The following CCDC50 variants were observed in gnomAD, a reference collection of about 807,000 sequenced individuals.
CCDC50 encodes the protein coiled-coil domain containing 50, also known as coiled-coil domain-containing protein 50.
A neutral mutation model predicts 70.2 loss-of-function variants in CCDC50; 54 were observed. The ratio of observed to expected loss-of-function variants is 0.77; its 90% confidence interval spans 0.62 to 0.96. The LOEUF is 0.96. Ranked by LOEUF, CCDC50 falls within the 50% of genes least tolerant of loss-of-function variation. The probability of loss-of-function intolerance (pLI) is 0.00; values close to 1 mark genes in which losing one functional copy is unlikely to be tolerated. For missense variants in CCDC50, 558 were observed against 578.7 expected, an observed-to-expected ratio of 0.96 and a Z score of 0.37; for synonymous variants, 216 against 198.8, an observed-to-expected ratio of 1.09 and a Z score of -0.73.
intron 1 of CCDC50, among the ~76,000 whole-genome samples, chr3:191,354,768 A>T (rs1250274570): frequency 6.6e-6 from 1 of 152,156 alleles, no homozygotes; most frequent in Non-Finnish European, 1.5e-5. Flanking sequence ...GGTGGGGTGT[A>T]GAGGTGGTTC....
intron 5 of CCDC50, 149 bp downstream of exon 5, chr3:191,370,185 A>C: frequency 1.5e-6 from 1 of 673,688 alleles, no homozygotes; most frequent in Non-Finnish European, 2.7e-6. Flanking sequence ...GCAGGATTCT[A>C]TTTGAATCTA....
At position 191,375,594 on chromosome 3, in the gene CCDC50, T is replaced by TA; in HGVS notation, c.976+6dup. 6.2e-7 allele frequency: 1 copy of TA among 1,612,134 alleles called. No individual in the cohort carries two copies. Among genetic ancestry groups the TA allele is most frequent in the South Asian group, 1.1e-5 (1 of 90,908 alleles). Reference sequence around the variant, plus strand: ...AGCTCCACCTCCATGACGCAGGTAATAGAGGACAGTCTCGATGGAAGTCCT... The same window carrying TA: ...AGCTCCACCTCCATGACGCAGGTAATAAGAGGACAGTCTCGATGGAAGTCCT... On this transcript the variant is annotated splice_donor_region_variant and intron_variant, in intron 6 of 11. Transcript: ENST00000392455.
rs1368898059 is a variant in CCDC50 at position 191,392,550 on chromosome 3, A to T, written c.*790A>T. On this transcript the variant is annotated 3_prime_UTR_variant, in exon 12 of 12. Transcript: ENST00000392455. ...GCCAAGGAAATGGAATTGAAAGATG[A>T]TTGCATAAGTAATGATGCCATCCTT... 6.6e-6 allele frequency: 1 copy of T among 152,204 alleles called. No individual in the cohort carries two copies. The allele number at this position is 152,204 out of a possible 1,614,324, so 9.4% of individuals were successfully genotyped here.
At chr3:191,332,385 G>T (rs1236239520) in intron 1 of CCDC50, among the ~76,000 whole-genome samples, 1 of 152,244 alleles carries the variant, frequency 6.6e-6, no homozygotes, top group African/African-American at 2.4e-5. Flanking sequence ...TTCATATGTA[G>T]GTGAAAAGAA....
At chr3:191,344,619 C>T (rs12636442) in intron 1 of CCDC50, among the ~76,000 whole-genome samples, 12,854 of 152,172 alleles carry the variant, frequency 0.084, 615 homozygotes, top group East Asian at 0.21. Flanking sequence ...CGCTCTGTCA[C>T]GCAGGCTGGA....
intron 4 of CCDC50, among the ~76,000 whole-genome samples, chr3:191,362,544 G>T (rs557883424): frequency 4.5e-4 from 69 of 152,270 alleles, no homozygotes; most frequent in African/African-American, 1.6e-3. Context: ...AGAAGCAAAT[G>T]ATTTATTATT....
Position 191,381,206 on chromosome 3 carries a change from T to G in CCDC50, c.1242+274T>G, listed in dbSNP as rs569614869. Among the ~76,000 whole-genome samples, 8 of 152,268 alleles carry G rather than the reference T, an allele frequency of 5.3e-5. No homozygotes were observed. In the South Asian group the frequency reaches 1.7e-3, roughly 32 times the overall value. ...AAGTGCTTCTGGTCATGAACAGTCT[T>G]AGTTTTCATATACAGTACTTTGATT... On this transcript the variant is annotated intron_variant, in intron 9 of 11. Coordinates refer to ENST00000392455, the MANE Select transcript of CCDC50 (RefSeq NM_178335.3).
intron 10 of CCDC50, among the ~76,000 whole-genome samples, chr3:191,384,615 A>G (rs956510989): frequency 1.7e-4 from 26 of 152,200 alleles, no homozygotes; most frequent in Admixed American, 1.6e-3. Context: ...TGTCTGTTAC[A>G]GAATTTTCTA....
At chr3:191,388,191 G>A (rs1042014920) in intron 10 of CCDC50, among the ~76,000 whole-genome samples, 3 of 151,730 alleles carry the variant, frequency 2.0e-5, no homozygotes, top group Non-Finnish European at 2.9e-5. Context: ...GAAAGTATAA[G>A]TACAATAACA....
At chr3:191,375,915 C>A (rs1242943011) in intron 6 of CCDC50, among the ~76,000 whole-genome samples, 10 of 152,006 alleles carry the variant, frequency 6.6e-5, no homozygotes, top group Admixed American at 3.3e-4. Context: ...GATACCAAAT[C>A]AAAACTCCTG....
chr3:191,390,632 T>C (rs1217945283), intron 11 of CCDC50, among the ~76,000 whole-genome samples: 1 of 152,138 alleles, frequency 6.6e-6, no homozygotes, highest in East Asian at 1.9e-4. Flanking sequence ...GGTGGGAGTG[T>C]CTTTTAGCAT....
At chr3:191,354,771 G>T (rs1252793801) in intron 1 of CCDC50, among the ~76,000 whole-genome samples, 1 of 152,078 alleles carries the variant, frequency 6.6e-6, no homozygotes, top group Non-Finnish European at 1.5e-5. Context: ...GGGGTGTAGA[G>T]GTGGTTCCAA....
chr3:191,375,723 A>T, intron 6 of CCDC50, 134 bp downstream of exon 6: 2 of 935,806 alleles, frequency 2.1e-6, no homozygotes. Flanking sequence ...ATCCTAGAGC[A>T]ACATATTATA....
At chr3:191,356,798 C>T (rs552118114) in intron 1 of CCDC50, among the ~76,000 whole-genome samples, 10 of 152,170 alleles carry the variant, frequency 6.6e-5, no homozygotes, top group Admixed American at 2.0e-4. Context: ...ATTGGAATTT[C>T]TAGACCTCTG....
Position 191,375,337 on chromosome 3 carries a change from A to G in CCDC50, c.724A>G (p.Ser242Gly), listed in dbSNP as rs144454149. 6.2e-7 allele frequency: 1 copy of G among 1,613,704 alleles called. No individual in the cohort carries two copies. Among genetic ancestry groups the G allele is most frequent in the African/African-American group, 1.3e-5 (1 of 75,032 alleles). The stretch of plus-strand genomic sequence containing the variant: ...TCGGAGACCTCTGCTTCCCACGATC[A>G]GTGGTGAAGTGTTTCTGAGCACTGA... The part of the protein sequence containing the change: ...RPRRPLLPTI[S>G]GEVFLSTECD... The change falls in exon 6 of 12, where the codon AGT becomes GGT. Residue 242 changes from serine to glycine, a missense_variant. Transcript: ENST00000392455.
rs115986233 is a variant in CCDC50 at position 191,329,954 on chromosome 3, G to C, written c.49+231G>C. On this transcript the variant is annotated intron_variant, in intron 1 of 11. Coordinates refer to ENST00000392455, the MANE Select transcript of CCDC50 (RefSeq NM_178335.3). ...TCAAGGGGGTGGTTGGGGGGGGGGGGGGCTAGCAGCAGCCCCAGCAAGTAG... is the reference window on the plus strand; with the variant it reads ...TCAAGGGGGTGGTTGGGGGGGGGGGCGGCTAGCAGCAGCCCCAGCAAGTAG... Among the ~76,000 whole-genome samples the C allele has an allele frequency of 6.2e-4, 86 of 138,340 alleles. 1 individual carries two copies. Among genetic ancestry groups the C allele is most frequent in the African/African-American group, 9.4e-4 (35 of 37,294 alleles). 90.8% of individuals were successfully genotyped at this position (138,340 alleles called of 152,430 possible). A position where few individuals can be genotyped will look rare whatever the true frequency, so the allele number is the denominator to read the frequency against.
intron 1 of CCDC50, among the ~76,000 whole-genome samples, chr3:191,329,932 A>C (rs1249189503): frequency 1.6e-4 from 2 of 12,204 alleles, no homozygotes; most frequent in Admixed American, 1.0e-3. Context: ...TTTTTTCTCA[A>C]GGGGGTGGTT....
intron 1 of CCDC50, among the ~76,000 whole-genome samples, chr3:191,356,642 G>A (rs764255683): frequency 5.3e-5 from 8 of 152,212 alleles, no homozygotes; most frequent in South Asian, 4.1e-4. Flanking sequence ...GGAGAGGATC[G>A]TCTGAACCAC....
At chr3:191,356,589 T>TA (rs1712290049) in intron 1 of CCDC50, among the ~76,000 whole-genome samples, 1 of 152,214 alleles carries the variant, frequency 6.6e-6, no homozygotes, top group Non-Finnish European at 1.5e-5. Flanking sequence ...CTAGTGAAAA[T>TA]ATATTTTTTC....
Sources: allele counts gnomAD v4.1 joint callset (sites outside exome capture counted in the v4.1 genomes callset), GRCh38; gene constraint gnomAD v4.1.1; transcripts MANE v1.5; gene names NCBI Gene and HGNC (gene_info 2026-07-23, HGNC 2026-07-21).